Variants in SVIL observed in about 807,000 individuals in gnomAD.
The protein encoded by SVIL is supervillin, also known as archvillin.
In SVIL, 101 loss-of-function variants were observed where a neutral mutation model predicts 240.4. That is an observed-to-expected ratio of 0.42 (90% CI 0.36 to 0.50). The LOEUF is 0.50. Among genes scored for constraint, SVIL ranks in the 20% least tolerant of loss-of-function variants. SVIL has a pLI of 0.01. For missense variants in SVIL, 2,512 were observed against 2,818.7 expected (o/e 0.89, Z 2.46); for synonymous variants, 999 against 1,100.0 (o/e 0.91, Z 1.82).
intron 2 of SVIL, among the ~76,000 whole-genome samples, chr10:29,668,020 A>ATGTG (rs373576857): frequency 2.6e-5 from 4 of 152,324 alleles, no homozygotes; most frequent in South Asian, 2.1e-4. Context: ...TCTACAAACC[A>ATGTG]TGTGTCTAAC....
chr10:29,662,688 C>T (rs1959172278), intron 2 of SVIL, among the ~76,000 whole-genome samples: 1 of 152,174 alleles, frequency 6.6e-6, no homozygotes, highest in Admixed American at 6.6e-5. Context: ...TGGACTGTCA[C>T]ATGTGTGAGG....
chr10:29,565,264 T>C (rs747427840), intron 2 of SVIL, among the ~76,000 whole-genome samples: 28 of 152,222 alleles, frequency 1.8e-4, no homozygotes, highest in Non-Finnish European at 3.7e-4. Flanking sequence ...CTGAGTTAAA[T>C]ACTCCGCTGA....
intron 2 of SVIL, among the ~76,000 whole-genome samples, chr10:29,565,885 C>T (rs952725817): frequency 6.6e-6 from 1 of 151,754 alleles, no homozygotes; most frequent in Non-Finnish European, 1.5e-5. Flanking sequence ...AGAGTGAGAC[C>T]CTGTCTGTTA....
rs1167797025 is a variant in SVIL, at chr10:29,609,923, G to A, written c.-201+24497C>T. Reference sequence around the variant, plus strand: ...CTGAGTGGACAGAACAAGTCCAGCAGGCATGAGCAAAACTCAGGCAGAGGT... The same window carrying A: ...CTGAGTGGACAGAACAAGTCCAGCAAGCATGAGCAAAACTCAGGCAGAGGT... On this transcript the variant is annotated intron_variant, in intron 1 of 37. Coordinates refer to ENST00000355867, the MANE Select transcript of SVIL (RefSeq NM_021738.3). 2.0e-5 allele frequency among the ~76,000 whole-genome samples: 3 copies of A among 152,198 alleles called. No homozygotes were observed. The East Asian group carries it at 5.8e-4, about 29-fold the overall frequency.
chr10:29,497,265 A>G (rs1384110988), intron 18 of SVIL, among the ~76,000 whole-genome samples: 3 of 152,214 alleles, frequency 2.0e-5, no homozygotes, highest in Non-Finnish European at 4.4e-5. Flanking sequence ...AGGTTCTGAG[A>G]AAAAGAAAAG....
intron 3 of SVIL, among the ~76,000 whole-genome samples, chr10:29,642,979 C>CCCGG (rs1203577674): frequency 1.3e-5 from 2 of 152,226 alleles, no homozygotes; most frequent in African/African-American, 4.8e-5. Flanking sequence ...AGCCACTGCA[C>CCCGG]CCGGCCGCTC....
intron 3 of SVIL, among the ~76,000 whole-genome samples, chr10:29,654,045 A>G (rs1958922921): frequency 6.6e-6 from 1 of 152,060 alleles, no homozygotes; most frequent in Non-Finnish European, 1.5e-5. Flanking sequence ...GAATTTCCAT[A>G]TTAGTTTTAG....
intron 1 of SVIL, among the ~76,000 whole-genome samples, chr10:29,708,981 T>C (rs1963097945): frequency 6.6e-6 from 1 of 150,624 alleles, no homozygotes; most frequent in Non-Finnish European, 1.5e-5. Context: ...TAGGGAAGTC[T>C]CCCAGAACAC....
At chr10:29,562,868 C>G (rs932576420) in intron 3 of SVIL, among the ~76,000 whole-genome samples, 48 of 150,592 alleles carry the variant, frequency 3.2e-4, no homozygotes, top group Non-Finnish European at 6.0e-4. Flanking sequence ...GGGGTATGGT[C>G]AGAACTCACT....
rs1010018903 is a variant in SVIL at position 29,529,353 on chromosome 10, G to A, written c.2246+352C>T. ...AGGAAAGGGGAAATGAATGGCACAC[G>A]GGCTGAGCATCACCGGCCAGGAGCG... On this transcript the variant is annotated intron_variant, in intron 12 of 37. Coordinates refer to ENST00000355867, the MANE Select transcript of SVIL (RefSeq NM_021738.3). 2.1e-5 allele frequency among the ~76,000 whole-genome samples: 3 copies of A among 142,058 alleles called. No individual in the cohort carries two copies. In the East Asian group the frequency reaches 5.9e-4, roughly 28 times the overall value. The allele number at this position is 142,058 out of a possible 152,430, so 93.2% of individuals were successfully genotyped here.
chr10:29,582,923 G>A lies in SVIL; in HGVS notation c.-200-13611C>T, dbSNP rs574331489. Among the ~76,000 whole-genome samples, 39 of 152,208 alleles carry A rather than the reference G, an allele frequency of 2.6e-4. No individual in the cohort carries two copies. The East Asian group carries it at 4.4e-3, about 17-fold the overall frequency. ...GGAAGGGGCTGACTTGATTACAATC[G>A]TCCAGGGAGAGCGGAGAAGGCTCTG... On this transcript the variant is annotated intron_variant, in intron 1 of 37. Coordinates refer to ENST00000355867, the MANE Select transcript of SVIL (RefSeq NM_021738.3).
intron 1 of SVIL, among the ~76,000 whole-genome samples, chr10:29,575,942 T>C (rs1383125372): frequency 6.6e-6 from 1 of 152,186 alleles, no homozygotes; most frequent in Non-Finnish European, 1.5e-5. Context: ...ATAATATTAG[T>C]ATAGTATTCT....
chr10:29,725,876 G>A (rs1589585868), intron 1 of SVIL, among the ~76,000 whole-genome samples: 1 of 152,226 alleles, frequency 6.6e-6, no homozygotes, highest in African/African-American at 2.4e-5. Flanking sequence ...CTTTATAGGA[G>A]AGAGTGGGGC....
intron 3 of SVIL, among the ~76,000 whole-genome samples, chr10:29,561,120 C>T (rs1439709596): frequency 2.0e-5 from 3 of 146,922 alleles, no homozygotes; most frequent in East Asian, 2.1e-4. Context: ...CATGCCCAGC[C>T]GGGGCACTGG....
At chr10:29,606,160 C>T (rs1957012972) in intron 1 of SVIL, among the ~76,000 whole-genome samples, 2 of 152,106 alleles carry the variant, frequency 1.3e-5, no homozygotes, top group South Asian at 4.1e-4. Flanking sequence ...ATCCACCTGC[C>T]TTGGCCCCTA....
intron 2 of SVIL, among the ~76,000 whole-genome samples, chr10:29,669,495 G>C (rs1046521053): frequency 6.6e-6 from 1 of 152,214 alleles, no homozygotes; most frequent in African/African-American, 2.4e-5. Context: ...ACAAGAGAGT[G>C]ACATGATCTC....
At chr10:29,526,413 TC>T (rs1950921860) in intron 13 of SVIL, among the ~76,000 whole-genome samples, 1 of 150,668 alleles carries the variant, frequency 6.6e-6, no homozygotes, top group Non-Finnish European at 1.5e-5. Context: ...CAAGCGATTC[TC>T]CTGCCTCAGT....
chr10:29,612,685 T>C (rs982401816), intron 1 of SVIL, among the ~76,000 whole-genome samples: 1 of 152,188 alleles, frequency 6.6e-6, no homozygotes, highest in African/African-American at 2.4e-5. Context: ...ATTTATGTTA[T>C]GCAGTTAAGA....
At chr10:29,461,702 TTATAA>T (rs1944279855) in intron 36 of SVIL, among the ~76,000 whole-genome samples, 1 of 152,230 alleles carries the variant, frequency 6.6e-6, no homozygotes, top group African/African-American at 2.4e-5. Context: ...ACATTCTAGA[TTATAA>T]TATATTTTGG....
Sources: allele counts gnomAD v4.1 joint callset (sites outside exome capture counted in the v4.1 genomes callset), GRCh38; gene constraint gnomAD v4.1.1; transcripts MANE v1.5; gene names NCBI Gene and HGNC (gene_info 2026-07-23, HGNC 2026-07-21).